The following FAM13B variants were observed in gnomAD, a reference collection of about 807,000 sequenced individuals.
FAM13B encodes family with sequence similarity 13 member B, also known as protein FAM13B.
In FAM13B, 60 loss-of-function variants were observed where a neutral mutation model predicts 117.3. That is an observed-to-expected ratio of 0.51 (90% CI 0.42 to 0.63). The LOEUF (loss-of-function observed/expected upper bound fraction) is 0.63. FAM13B is among the 30% of genes least tolerant of loss of function. FAM13B has a pLI of 0.00. For synonymous variants in FAM13B, 332 were observed against 356.1 expected (o/e 0.93, Z 0.76); for missense variants, 972 against 1,091.9 (o/e 0.89, Z 1.55).
At chr5:137,959,504 A>T in intron 13 of FAM13B, 112 bp downstream of exon 13, 1 of 1,093,106 alleles carries the variant, frequency 9.1e-7, no homozygotes, top group South Asian at 1.6e-5. Flanking sequence ...GGAGAACAGA[A>T]GATCAAGATG....
Position 137,938,815 on chromosome 5 carries a change from A to G in FAM13B, c.*1410T>C, listed in dbSNP as rs1760864207. On this transcript the variant is annotated 3_prime_UTR_variant, in exon 24 of 24. Transcript: ENST00000689681. ...GGATGTTGCAAAATTCCATTTTTAT[A>G]TGGAATAAATTGTTAATATTAGCTA... 6.6e-6 allele frequency: 1 copy of G among 152,598 alleles called. No homozygotes were observed. Among genetic ancestry groups the G allele is most frequent in the Non-Finnish European group, 1.5e-5 (1 of 68,054 alleles). 9.5% of individuals were successfully genotyped at this position (152,598 alleles called of 1,614,324 possible). A position where few individuals can be genotyped will look rare whatever the true frequency, so the allele number is the denominator to read the frequency against.
rs3836894 is a variant in FAM13B, at chr5:137,956,757, A to AGGG, written c.1442-218_1442-216dup. Among the ~76,000 whole-genome samples, 1,271 of 149,640 alleles carry AGGG rather than the reference A, an allele frequency of 8.5e-3. 11 individuals are homozygous for AGGG. The highest frequency in any genetic ancestry group is 0.019 in the South Asian group (89 of 4,710). Reference sequence around the variant, plus strand: ...TCCATTTCAGCAAGCAATGCAAAAAAGGGGGGGGAAAACTCAAAGTCGTGC... The same window carrying AGGG: ...TCCATTTCAGCAAGCAATGCAAAAAAGGGGGGGGGGGAAAACTCAAAGTCGTGC... On this transcript the variant is annotated intron_variant, in intron 13 of 23. Coordinates refer to ENST00000689681, the MANE Select transcript of FAM13B (RefSeq NM_001385994.1).
intron 6 of FAM13B, among the ~76,000 whole-genome samples, chr5:138,009,136 T>C (rs1282279592): frequency 2.6e-5 from 4 of 152,164 alleles, no homozygotes; most frequent in Non-Finnish European, 5.9e-5. Flanking sequence ...CAAGACTTTG[T>C]CTCAAAAACA....
chr5:138,006,359 T>C (rs1451398685), intron 7 of FAM13B, among the ~76,000 whole-genome samples: 1 of 152,116 alleles, frequency 6.6e-6, no homozygotes, highest in Admixed American at 6.6e-5. Context: ...AAGATACATA[T>C]GGGGAGTATG....
chr5:137,990,589 T>C (rs1778364171), intron 7 of FAM13B, among the ~76,000 whole-genome samples: 3 of 152,220 alleles, frequency 2.0e-5, no homozygotes, highest in South Asian at 2.1e-4. Flanking sequence ...AGTAGGTAAA[T>C]GGATACAAGA....
At chr5:137,956,765 GAA>G (rs1167777081) in intron 13 of FAM13B, among the ~76,000 whole-genome samples, 140 of 149,748 alleles carry the variant, frequency 9.3e-4, no homozygotes, top group South Asian at 3.0e-3. Context: ...AAAGGGGGGG[GAA>G]AACTCAAAGT....
intron 4 of FAM13B, among the ~76,000 whole-genome samples, chr5:138,014,886 T>C (rs1230945654): frequency 6.6e-6 from 1 of 152,224 alleles, no homozygotes; most frequent in Non-Finnish European, 1.5e-5. Flanking sequence ...ATTTCTTTCC[T>C]TTGGAGTCTA....
At chr5:138,030,711 T>TCCC (rs774765574) in intron 1 of FAM13B, among the ~76,000 whole-genome samples, 4 of 96,576 alleles carry the variant, frequency 4.1e-5, no homozygotes, top group East Asian at 3.5e-4. Flanking sequence ...TGAAACTCCG[T>TCCC]CCCCCCCCCC....
intron 9 of FAM13B, 138 bp from the exon 10 acceptor site, chr5:137,985,527 C>G (rs1440927874): frequency 2.5e-6 from 2 of 814,100 alleles, no homozygotes; most frequent in Non-Finnish European, 3.7e-6. Flanking sequence ...AAAATCCACA[C>G]TTTTATCTTG....
intron 12 of FAM13B, 112 bp from the exon 13 acceptor site, chr5:137,959,875 A>G: frequency 1.0e-6 from 1 of 1,002,616 alleles, no homozygotes; most frequent in Non-Finnish European, 1.5e-6. Flanking sequence ...CTGTGCCTAT[A>G]CAGCCAACTG....
chr5:138,052,070 A>T (rs1791814526), upstream of FAM13B: 1 of 152,210 alleles, frequency 6.6e-6, no homozygotes, highest in African/African-American at 2.4e-5. Context: ...AGAAACACCA[A>T]GAAACATGGA....
intron 7 of FAM13B, among the ~76,000 whole-genome samples, chr5:138,005,390 G>A: frequency 6.6e-6 from 1 of 151,894 alleles, no homozygotes. Flanking sequence ...GCCAGAGAAA[G>A]GTTCACTCTT....
chr5:137,941,808 A>G, intron 23 of FAM13B, 136 bp downstream of exon 23: 1 of 680,116 alleles, frequency 1.5e-6, no homozygotes, highest in East Asian at 2.7e-5. Flanking sequence ...CAGAGCATAA[A>G]GGAATGTTTT....
upstream of FAM13B, among the ~76,000 whole-genome samples, chr5:138,034,995 C>CCTTTTTTTT (rs1561555609): frequency 5.8e-5 from 2 of 34,364 alleles, no homozygotes; most frequent in Non-Finnish European, 9.8e-5. Flanking sequence ...ATTCCCTTGC[C>CCTTTTTTTT]TTTTTTTTTT....
intron 16 of FAM13B, among the ~76,000 whole-genome samples, chr5:137,953,027 C>G (rs550232251): frequency 2.6e-5 from 4 of 152,122 alleles, no homozygotes; most frequent in African/African-American, 9.7e-5. Flanking sequence ...CCACTTGGTA[C>G]TTGTAGTTTT....
At position 137,959,746 on chromosome 5, in the gene FAM13B, T is replaced by C; in HGVS notation, c.1311A>G (p.Ile437Met). 1.2e-6 allele frequency: 2 copies of C among 1,613,732 alleles called. No individual in the cohort carries two copies. The highest frequency in any genetic ancestry group is 1.7e-6 in the Non-Finnish European group (2 of 1,179,760). ...SHLILDSSSK[I>M]CDLNANTESE... is the part of the protein sequence containing the mutation. ...ATTCAGTGTTGGCATTCAAATCACA[T>C]ATCTTGCTACTAGAATCCTGTATTT... is the stretch of plus-strand genomic sequence containing the variant. Residue 437 changes from isoleucine to methionine, a missense_variant, in exon 13 of 24, where the codon ATA (isoleucine) becomes ATG (methionine). Ile to Met is a conservative substitution (Grantham distance 10, BLOSUM62 1). Coordinates refer to ENST00000689681, the MANE Select transcript of FAM13B (RefSeq NM_001385994.1).
At chr5:137,966,645 TATC>T (rs1770058095) in intron 10 of FAM13B, among the ~76,000 whole-genome samples, 1 of 151,692 alleles carries the variant, frequency 6.6e-6, no homozygotes, top group Non-Finnish European at 1.5e-5. Flanking sequence ...ATGAAAAACT[TATC>T]ATCGTATGTC....
intron 4 of FAM13B, among the ~76,000 whole-genome samples, chr5:138,012,514 T>G (rs1784297420): frequency 6.6e-6 from 1 of 152,224 alleles, no homozygotes; most frequent in South Asian, 2.1e-4. Flanking sequence ...AATTAAAAGG[T>G]CTTTCATTTC....
intron 13 of FAM13B, among the ~76,000 whole-genome samples, chr5:137,956,892 T>C (rs1167244509): frequency 1.3e-5 from 2 of 152,236 alleles, no homozygotes; most frequent in Admixed American, 1.3e-4. Flanking sequence ...TCCCTTAGTT[T>C]GCTCTTTGAA....
Sources: allele counts gnomAD v4.1 joint callset (sites outside exome capture counted in the v4.1 genomes callset), GRCh38; gene constraint gnomAD v4.1.1; transcripts MANE v1.5; gene names NCBI Gene and HGNC (gene_info 2026-07-23, HGNC 2026-07-21).